Variants in PRIM2 observed in about 807,000 individuals in gnomAD.
PRIM2 encodes DNA primase subunit 2, also known as DNA primase large subunit.
In PRIM2, 39 loss-of-function variants were observed where a neutral mutation model predicts 67.3. The ratio of observed to expected loss-of-function variants is 0.58; its 90% CI spans 0.45 to 0.76. The LOEUF (loss-of-function observed/expected upper bound fraction) is 0.76. Among genes scored for constraint, PRIM2 ranks in the 30% least tolerant of loss-of-function variants. PRIM2 has a pLI of 0.00. For synonymous variants in PRIM2, 143 were observed against 198.7 expected (o/e 0.72, Z 2.36); for missense variants, 398 against 598.7 (o/e 0.66, Z 3.50).
chr6:57,232,275 G>C, the PRIM2 span, among the ~76,000 whole-genome samples: 2 of 152,228 alleles, frequency 1.3e-5, no homozygotes, highest in African/African-American at 4.8e-5. Context: ...TTTAGGGACT[G>C]GGCGTGGTGG....
chr6:57,388,055 G>T (rs1242094764), intron 7 of PRIM2, among the ~76,000 whole-genome samples: 1 of 152,174 alleles, frequency 6.6e-6, no homozygotes, highest in African/African-American at 2.4e-5. Context: ...GGCCAGTGTA[G>T]CTAGAGCATA....
At chr6:57,294,654 A>G in the PRIM2 span, among the ~76,000 whole-genome samples, 1 of 151,450 alleles carries the variant, frequency 6.6e-6, no homozygotes, top group Non-Finnish European at 1.5e-5. Flanking sequence ...GTGTATGTAT[A>G]TTTATTTAAG....
At chr6:57,642,689 T>C (rs1314977497) in intron 13 of PRIM2, among the ~76,000 whole-genome samples, 8 of 151,900 alleles carry the variant, frequency 5.3e-5, no homozygotes, top group Admixed American at 3.3e-4. Context: ...GATCCGCCCG[T>C]CTCGGCCTCC....
chr6:57,574,415 G>A (rs1365639889), intron 10 of PRIM2, among the ~76,000 whole-genome samples: 2 of 152,120 alleles, frequency 1.3e-5, no homozygotes, highest in African/African-American at 4.8e-5. Flanking sequence ...GCTTGTTTGT[G>A]TGTGCTGTTC....
chr6:57,346,406 G>A (rs747757040), intron 5 of PRIM2, among the ~76,000 whole-genome samples: 3 of 151,766 alleles, frequency 2.0e-5, no homozygotes, highest in African/African-American at 7.3e-5. Context: ...AACCTCCTCC[G>A]CCTCCTGGGT....
intron 7 of PRIM2, among the ~76,000 whole-genome samples, chr6:57,491,122 C>G (rs1316165854): frequency 1.3e-5 from 2 of 152,108 alleles, no homozygotes; most frequent in Non-Finnish European, 2.9e-5. Flanking sequence ...ACAAGAAAAA[C>G]CCATATCCTG....
chr6:57,273,823 G>C, the PRIM2 span, among the ~76,000 whole-genome samples: 5 of 152,070 alleles, frequency 3.3e-5, no homozygotes, highest in African/African-American at 1.2e-4. Flanking sequence ...TGTCCTTCCC[G>C]TTTGTTAGTT....
In PRIM2 at chr6:57,461,371, A is replaced by C. The variant is rs1248283678; in HGVS notation, c.694-46016A>C. On this transcript the variant is annotated intron_variant, in intron 7 of 13. Coordinates refer to ENST00000615550, the MANE Select transcript of PRIM2 (RefSeq NM_000947.5). ...AGATGGATAAACCTTGTAGTTCAGG[A>C]CTGTCAAGGGCACTGCAATTAGTAC... 4.8e-3 allele frequency among the ~76,000 whole-genome samples: 725 copies of C among 152,222 alleles called. 2 individuals are homozygous for C. The highest frequency in any genetic ancestry group is 8.1e-3 in the Non-Finnish European group (548 of 68,008).
In PRIM2 at chr6:57,646,528, CT is replaced by C; in HGVS notation, c.*375del. 5.7e-6 allele frequency: 1 copy of C among 176,022 alleles called. No individual in the cohort carries two copies. Among genetic ancestry groups the C allele is most frequent in the South Asian group, 1.5e-4 (1 of 6,624 alleles). 10.9% of individuals were successfully genotyped at this position (176,022 alleles called of 1,614,324 possible). On this transcript the variant is annotated 3_prime_UTR_variant, in exon 14 of 14. Coordinates refer to ENST00000615550, the MANE Select transcript of PRIM2 (RefSeq NM_000947.5). ...GCCTGGCCTTTTTTTTTTTTTTAAC[CT>C]TTTTGTTTAACTTCTCTCTTCACTG...
At chr6:57,330,361 GTTTTTGTTTTTTTGTT>G (rs1285553858) in intron 5 of PRIM2, among the ~76,000 whole-genome samples, 2 of 110,398 alleles carry the variant, frequency 1.8e-5, no homozygotes, top group African/African-American at 7.2e-5. Flanking sequence ...TTTTTTTTTT[GTTTTTGTTTTTTTGTT>G]TTTTTGTTTT....
chr6:57,532,089 TGTC>T (rs1774903592), intron 8 of PRIM2, among the ~76,000 whole-genome samples: 1 of 152,194 alleles, frequency 6.6e-6, no homozygotes, highest in South Asian at 2.1e-4. Context: ...TTTGCTATGT[TGTC>T]GTGCTGTTAA....
At chr6:57,299,701 C>G in the PRIM2 span, among the ~76,000 whole-genome samples, 18,417 of 152,166 alleles carry the variant, frequency 0.12, 1,257 homozygotes, top group African/African-American at 0.17. Flanking sequence ...GATGAGCCAG[C>G]ATATTCATAC....
chr6:57,304,101 A>G, the PRIM2 span, among the ~76,000 whole-genome samples: 3 of 152,150 alleles, frequency 2.0e-5, no homozygotes, highest in Admixed American at 6.5e-5. Flanking sequence ...AGATGCTCAT[A>G]TGTGTCACCA....
At chr6:57,563,552 A>G (rs1468475432) in intron 10 of PRIM2, among the ~76,000 whole-genome samples, 10 of 152,346 alleles carry the variant, frequency 6.6e-5, no homozygotes, top group South Asian at 2.1e-4. Context: ...CTGGATTTAT[A>G]TATTACTTAA....
At chr6:57,445,917 G>T (rs576336846) in intron 7 of PRIM2, among the ~76,000 whole-genome samples, 1 of 152,262 alleles carries the variant, frequency 6.6e-6, no homozygotes, top group Non-Finnish European at 1.5e-5. Flanking sequence ...GAAGAACATT[G>T]TTCTCCCAGC....
chr6:57,258,009 T>A, the PRIM2 span, among the ~76,000 whole-genome samples: 1 of 152,184 alleles, frequency 6.6e-6, no homozygotes, highest in Admixed American at 6.5e-5. Flanking sequence ...TTGGTTCTCA[T>A]CGGCTGGTCT....
chr6:57,624,098 G>C (rs1582025845), intron 12 of PRIM2, among the ~76,000 whole-genome samples: 1 of 151,876 alleles, frequency 6.6e-6, no homozygotes, highest in Non-Finnish European at 1.5e-5. Flanking sequence ...GAAGTGGCTT[G>C]GTTTTATATT....
the PRIM2 span, among the ~76,000 whole-genome samples, chr6:57,225,059 C>T: frequency 1.1e-4 from 16 of 152,172 alleles, no homozygotes; most frequent in African/African-American, 3.4e-4. Flanking sequence ...TTTACTCGGC[C>T]ACAATTTACC....
chr6:57,507,273 A>C (rs1774270185), intron 7 of PRIM2, 114 bp from the exon 8 acceptor site: 1 of 813,866 alleles, frequency 1.2e-6, no homozygotes, highest in Non-Finnish European at 1.8e-6. Context: ...ATAGAACCTT[A>C]TATTTTTAAG....
Sources: gnomAD v4.1 joint callset for allele counts (sites outside exome capture counted in the v4.1 genomes callset) on GRCh38, gnomAD v4.1.1 for gene constraint, MANE v1.5 for transcripts, NCBI Gene and HGNC (gene_info 2026-07-23, HGNC 2026-07-21) for gene names.